RFX3: variants seen among roughly 807,000 people sequenced by gnomAD.
RFX3 encodes the protein regulatory factor X3.
Under a neutral mutation model 98.6 loss-of-function variants are expected in RFX3, and 14 were observed. The observed-to-expected ratio is 0.14, with a 90% CI of 0.09 to 0.22. The LOEUF (loss-of-function observed/expected upper bound fraction) is 0.22, where lower values mean the gene tolerates loss of function less well. Among genes scored for constraint, RFX3 ranks in the 10% least tolerant of loss-of-function variants. The pLI is 1.00. For synonymous variants in RFX3, 383 were observed against 328.4 expected, an observed-to-expected ratio of 1.17 and a Z score of -1.80; for missense variants, 639 against 926.9, an observed-to-expected ratio of 0.69 and a Z score of 4.03.
intron 15 of RFX3, among the ~76,000 whole-genome samples, chr9:3,229,630 A>G (rs628884): frequency 4.0e-4 from 61 of 152,200 alleles, no homozygotes; most frequent in African/African-American, 1.4e-3. Flanking sequence ...ATACACTGAA[A>G]TAAAAATTGA....
intron 7 of RFX3, among the ~76,000 whole-genome samples, chr9:3,281,299 T>C (rs1409451603): frequency 1.3e-5 from 2 of 151,538 alleles, no homozygotes; most frequent in Admixed American, 6.6e-5. Context: ...CCATAAACTT[T>C]ATCAAATCTA....
chr9:3,373,088 C>T (rs759290833), intron 2 of RFX3, among the ~76,000 whole-genome samples: 14 of 152,072 alleles, frequency 9.2e-5, no homozygotes, highest in African/African-American at 3.4e-4. Flanking sequence ...TATCTCTAAG[C>T]TTGAATACTA....
intron 1 of RFX3, among the ~76,000 whole-genome samples, chr9:3,520,816 A>C (rs1818634886): frequency 6.6e-6 from 1 of 152,186 alleles, no homozygotes; most frequent in Non-Finnish European, 1.5e-5. Context: ...CTTGAACTAC[A>C]GGCACGCACC....
intron 3 of RFX3, among the ~76,000 whole-genome samples, chr9:3,331,270 T>C (rs1832570529): frequency 6.6e-6 from 1 of 152,194 alleles, no homozygotes; most frequent in South Asian, 2.1e-4. Flanking sequence ...TTGTGACCTA[T>C]CTATAGTATG....
chr9:3,525,002 A>C (rs1819110056), intron 1 of RFX3, among the ~76,000 whole-genome samples: 1 of 151,732 alleles, frequency 6.6e-6, no homozygotes, highest in African/African-American at 2.4e-5. Flanking sequence ...GGGGGGGAGA[A>C]AGAGGGGGAG....
chr9:3,482,971 A>T (rs962406236), intron 1 of RFX3, among the ~76,000 whole-genome samples: 13 of 152,212 alleles, frequency 8.5e-5, no homozygotes, highest in African/African-American at 3.1e-4. Context: ...GACTATCCAC[A>T]ACCAATCTTG....
At chr9:3,402,961 A>G (rs1841612225) in intron 1 of RFX3, among the ~76,000 whole-genome samples, 2 of 152,004 alleles carry the variant, frequency 1.3e-5, no homozygotes, top group South Asian at 2.1e-4. Context: ...TAGAAAGACG[A>G]TGTACAATGA....
rs1457439599 is a variant in RFX3 at position 3,220,596 on chromosome 9, T to C, written c.*4446A>G. The C allele has an allele frequency of 6.6e-6, 1 of 151,450 alleles. No homozygotes were observed. Among genetic ancestry groups the C allele is most frequent in the African/African-American group, 2.4e-5 (1 of 41,328 alleles). The allele number at this position is 151,450 out of a possible 1,614,324, so 9.4% of individuals were successfully genotyped here. ...TTGAAGAAAAATTAAGAGTTGTATA[T>C]AAAATGCAAGTGTTCGGCGTGGAAA... On this transcript the variant is annotated 3_prime_UTR_variant, in exon 17 of 17. Coordinates refer to ENST00000617270, the MANE Select transcript of RFX3 (RefSeq NM_001282116.2).
intron 4 of RFX3, among the ~76,000 whole-genome samples, chr9:3,320,938 G>A (rs758130468): frequency 6.6e-6 from 1 of 151,840 alleles, no homozygotes; most frequent in East Asian, 1.9e-4. Context: ...CAGAGTCTCT[G>A]TTGCCTAGGC....
intron 7 of RFX3, among the ~76,000 whole-genome samples, chr9:3,282,382 T>A (rs1031942901): frequency 6.6e-6 from 1 of 151,754 alleles, no homozygotes; most frequent in Admixed American, 6.6e-5. Context: ...CTCTGAGTAT[T>A]TGTCTCTTCA....
intron 2 of RFX3, among the ~76,000 whole-genome samples, chr9:3,389,354 G>C (rs12348958): frequency 0.04 from 6,057 of 152,140 alleles, 400 homozygotes; most frequent in African/African-American, 0.14. Context: ...TCCATTTCTA[G>C]TCATATTCTA....
rs1563979547 is a variant in RFX3, at chr9:3,356,963, G to GAACA, written c.118-10200_118-10199insTGTT. ...TAAACACACACACACATACACACATGCACACACACGCACACACACACACAC... is the reference window on the plus strand; with the variant it reads ...TAAACACACACACACATACACACATGAACACACACACACGCACACACACACACAC... On this transcript the variant is annotated intron_variant, in intron 2 of 16. Transcript: ENST00000617270. Among the ~76,000 whole-genome samples, 887 of 140,924 alleles carry GAACA rather than the reference G, an allele frequency of 6.3e-3. 8 individuals are homozygous for GAACA. Among genetic ancestry groups the GAACA allele is most frequent in the African/African-American group, 0.024 (845 of 35,528 alleles). The allele number at this position is 140,924 out of a possible 152,430, so 92.5% of individuals were successfully genotyped here. A position where few individuals can be genotyped will look rare whatever the true frequency, so the allele number is the denominator to read the frequency against.
At chr9:3,445,313 T>G (rs866986226) in intron 1 of RFX3, among the ~76,000 whole-genome samples, 13 of 152,196 alleles carry the variant, frequency 8.5e-5, no homozygotes, top group African/African-American at 2.9e-4. Context: ...AAGAGTTCAA[T>G]GCATAATAGT....
At chr9:3,230,041 T>A (rs1045485142) in intron 15 of RFX3, among the ~76,000 whole-genome samples, 1 of 152,204 alleles carries the variant, frequency 6.6e-6, no homozygotes, top group African/African-American at 2.4e-5. Context: ...GGAAAGCCCA[T>A]CTTGTTATTT....
intron 2 of RFX3, among the ~76,000 whole-genome samples, chr9:3,378,123 T>G (rs1838751327): frequency 6.6e-6 from 1 of 152,208 alleles, no homozygotes; most frequent in Admixed American, 6.5e-5. Context: ...CTGAAAATAA[T>G]ACATACAATA....
rs1436523975 is a variant in RFX3 at position 3,521,372 on chromosome 9, T to C, written c.-9+4375A>G. On this transcript the variant is annotated intron_variant, in intron 1 of 16. Transcript: ENST00000617270. ...TCTGATGTAAAACTGCCAATTAAGA[T>C]AGTATGTTAAACTCCATAAAAATAA... Among the ~76,000 whole-genome samples the C allele has an allele frequency of 2.6e-5, 4 of 152,150 alleles. No homozygotes were observed. The East Asian group carries it at 7.7e-4, about 29-fold the overall frequency.
chr9:3,395,175 G>A (rs1840727635), intron 2 of RFX3, among the ~76,000 whole-genome samples: 1 of 152,162 alleles, frequency 6.6e-6, no homozygotes, highest in Admixed American at 6.5e-5. Context: ...GAGAAGAGAA[G>A]GAGAAAACTT....
intron 3 of RFX3, among the ~76,000 whole-genome samples, chr9:3,338,597 C>G (rs952072619): frequency 2.6e-5 from 4 of 152,106 alleles, no homozygotes; most frequent in Non-Finnish European, 5.9e-5. Context: ...CCTGTTGCAA[C>G]ACAGAGAGCT....
chr9:3,423,809 A>ATATATATATATC (rs1484813389), intron 1 of RFX3, among the ~76,000 whole-genome samples: 2 of 138,932 alleles, frequency 1.4e-5, no homozygotes, highest in African/African-American at 5.3e-5. Flanking sequence ...ATATATATAT[A>ATATATATATATC]TATCTTAAGG....
Sources: gnomAD v4.1 joint callset for allele counts (sites outside exome capture counted in the v4.1 genomes callset) on GRCh38, gnomAD v4.1.1 for gene constraint, MANE v1.5 for transcripts, NCBI Gene and HGNC (gene_info 2026-07-23, HGNC 2026-07-21) for gene names.